The following SLC5A4 variants were observed in gnomAD, a reference collection of about 807,000 sequenced individuals.
SLC5A4 encodes the protein solute carrier family 5 member 4.
Under a neutral mutation model 70.3 loss-of-function variants are expected in SLC5A4, and 55 were observed. The observed-to-expected ratio is 0.78, with a 90% confidence interval of 0.63 to 0.98. The LOEUF is 0.98. Ranked by LOEUF, SLC5A4 falls within the 50% of genes least tolerant of loss-of-function variation. The pLI is 0.00. For missense variants in SLC5A4, 735 were observed against 839.2 expected (o/e 0.88, Z 1.53); for synonymous variants, 268 against 305.7 (o/e 0.88, Z 1.29).
chr22:32,308,863 CATGT>C, the SLC5A4 span, among the ~76,000 whole-genome samples: 9 of 152,276 alleles, frequency 5.9e-5, no homozygotes, highest in East Asian at 1.9e-4. Flanking sequence ...TGCATGTGTG[CATGT>C]ATGTACTTGT....
the SLC5A4 span, among the ~76,000 whole-genome samples, chr22:32,299,705 C>T: frequency 0.034 from 3,583 of 105,148 alleles, 383 homozygotes; most frequent in Admixed American, 0.047. Context: ...TGAGGAACTG[C>T]GTTCCTTTGG....
the SLC5A4 span, among the ~76,000 whole-genome samples, chr22:32,340,693 AG>A: frequency 6.6e-6 from 1 of 152,080 alleles, no homozygotes; most frequent in South Asian, 2.1e-4. Context: ...GTCTGGTTGG[AG>A]GAACAGCAGC....
intron 11 of SLC5A4, among the ~76,000 whole-genome samples, chr22:32,227,917 A>G (rs1018478421): frequency 6.6e-6 from 1 of 152,092 alleles, no homozygotes; most frequent in Non-Finnish European, 1.5e-5. Flanking sequence ...CAGTGAGCCA[A>G]GATCGAGCCA....
chr22:32,225,936 A>G (rs139657204), intron 11 of SLC5A4, 113 bp from the exon 12 acceptor site: 1 of 717,864 alleles, frequency 1.4e-6, no homozygotes, highest in East Asian at 2.8e-5. Context: ...TCCAAACAAA[A>G]TCAAGCTCCT....
At chr22:32,243,493 G>A (rs1176292471) in intron 5 of SLC5A4, among the ~76,000 whole-genome samples, 4 of 152,254 alleles carry the variant, frequency 2.6e-5, no homozygotes, top group South Asian at 4.1e-4. Context: ...TACTTGAGTT[G>A]ATAATTCCAA....
chr22:32,338,588 C>T, the SLC5A4 span, among the ~76,000 whole-genome samples: 1 of 152,178 alleles, frequency 6.6e-6, no homozygotes, highest in African/African-American at 2.4e-5. Flanking sequence ...TCACTTGAAC[C>T]TGGGAGGCAG....
intron 11 of SLC5A4, 81 bp downstream of exon 11, chr22:32,229,107 ACCAAAG>A (rs1178237653): frequency 7.7e-7 from 1 of 1,299,568 alleles, no homozygotes; most frequent in Non-Finnish European, 1.1e-6. Flanking sequence ...GATTACTTTC[ACCAAAG>A]CCAAAGACAA....
At chr22:32,351,265 T>C in the SLC5A4 span, among the ~76,000 whole-genome samples, 2 of 152,222 alleles carry the variant, frequency 1.3e-5, no homozygotes, top group African/African-American at 4.8e-5. Flanking sequence ...CAATATTTTA[T>C]TTGACGCTTC....
At chr22:32,239,508 G>T (rs1926261607) in intron 5 of SLC5A4, among the ~76,000 whole-genome samples, 1 of 79,278 alleles carries the variant, frequency 1.3e-5, no homozygotes, top group African/African-American at 4.5e-5. Context: ...CTCCAGCCTG[G>T]GAGTGCATAT....
chr22:32,331,108 C>CCGG, the SLC5A4 span, among the ~76,000 whole-genome samples: 2 of 37,424 alleles, frequency 5.3e-5, no homozygotes, highest in African/African-American at 1.1e-4. Flanking sequence ...GTTGGAGGCT[C>CCGG]TTGTGTGTGT....
chr22:32,307,865 C>G, the SLC5A4 span, among the ~76,000 whole-genome samples: 2 of 152,170 alleles, frequency 1.3e-5, no homozygotes, highest in Non-Finnish European at 2.9e-5. Context: ...GGGGACCAGG[C>G]AGACACCCTC....
In SLC5A4 at chr22:32,230,993, C is replaced by T. The variant is rs759841723; in HGVS notation, c.1104G>A (p.Thr368=). 9.3e-6 allele frequency: 15 copies of T among 1,613,530 alleles called. No homozygotes were observed. In the Middle Eastern group the frequency reaches 4.9e-4, roughly 53 times the overall value. ...DVGCTNYAYP[T]MVLELMPQGL... is the part of the protein sequence containing the mutation. ...CTTGGGGCATCAGTTCCAGCACCAT[C>T]GTGGGGTATGCGTAGTTGGTGCAGC... is the stretch of plus-strand genomic sequence containing the variant. Residue 368 remains threonine, a synonymous_variant, in exon 10 of 15, where the codon ACG becomes ACA. Transcript: ENST00000266086.
chr22:32,305,136 G>C, the SLC5A4 span, among the ~76,000 whole-genome samples: 2 of 151,942 alleles, frequency 1.3e-5, no homozygotes, highest in African/African-American at 2.4e-5. Flanking sequence ...CATGTACCGA[G>C]ACCTTAATTT....
chr22:32,304,850 GTTT>G, the SLC5A4 span, among the ~76,000 whole-genome samples: 1 of 151,006 alleles, frequency 6.6e-6, no homozygotes, highest in Admixed American at 6.6e-5. Flanking sequence ...GAGTTCTACA[GTTT>G]TTTTTTCTTT....
the SLC5A4 span, chr22:32,270,015 G>GC: frequency 2.0e-6 from 1 of 495,984 alleles, no homozygotes; most frequent in Non-Finnish European, 4.0e-6. Flanking sequence ...AGCTTCAGGA[G>GC]CCCCCGGCCA....
the SLC5A4 span, among the ~76,000 whole-genome samples, chr22:32,313,736 C>T: frequency 5.9e-5 from 9 of 152,238 alleles, no homozygotes; most frequent in African/African-American, 9.6e-5. Flanking sequence ...CCTTCCCAGA[C>T]TCCCTTGCAA....
chr22:32,272,408 C>T, the SLC5A4 span: 5 of 903,514 alleles, frequency 5.5e-6, no homozygotes, highest in South Asian at 1.4e-5. Flanking sequence ...ACGGGCATGG[C>T]CTTCATGGTC....
At chr22:32,339,927 G>C in the SLC5A4 span, among the ~76,000 whole-genome samples, 1 of 152,240 alleles carries the variant, frequency 6.6e-6, no homozygotes. Flanking sequence ...CCCTGGGGAT[G>C]GGTGAGACCT....
chr22:32,250,419 T>G (rs1349576066), intron 3 of SLC5A4, among the ~76,000 whole-genome samples: 1 of 152,120 alleles, frequency 6.6e-6, no homozygotes, highest in Non-Finnish European at 1.5e-5. Context: ...CATGGGAGGC[T>G]GTGGTGGGAG....
Sources: allele counts gnomAD v4.1 joint callset (sites outside exome capture counted in the v4.1 genomes callset), GRCh38; gene constraint gnomAD v4.1.1; transcripts MANE v1.5; gene names NCBI Gene and HGNC (gene_info 2026-07-23, HGNC 2026-07-21).